The following NAV1 variants were observed in gnomAD, a reference collection of about 807,000 sequenced individuals.
NAV1 encodes neuron navigator 1, also known as pore membrane and/or filament interacting like protein 3.
Under a neutral mutation model 175.2 loss-of-function variants are expected in NAV1, and 18 were observed. The ratio of observed to expected loss-of-function variants is 0.10; its 90% CI spans 0.07 to 0.15. The LOEUF (loss-of-function observed/expected upper bound fraction) is 0.15, where lower values mean the gene tolerates loss of function less well. NAV1 is among the 10% of genes least tolerant of loss of function. NAV1 has a pLI of 1.00. For synonymous variants in NAV1, 897 were observed against 978.7 expected (o/e 0.92, Z 1.56); for missense variants, 1,731 against 2,436.6 (o/e 0.71, Z 6.10).
chr1:201,627,671 C>G (rs1668373663), intron 1 of NAV1, among the ~76,000 whole-genome samples: 1 of 152,140 alleles, frequency 6.6e-6, no homozygotes, highest in Admixed American at 6.5e-5. Flanking sequence ...ATCAATGAAA[C>G]AGTTGACACA....
intron 3 of NAV1, among the ~76,000 whole-genome samples, chr1:201,762,017 G>C (rs566290019): frequency 3.3e-5 from 5 of 152,204 alleles, no homozygotes; most frequent in Non-Finnish European, 7.4e-5. Context: ...AAAATTATCT[G>C]GGCATGGTGG....
At chr1:201,604,680 G>GAAA (rs747665244) in intron 2 of NAV1, among the ~76,000 whole-genome samples, 2 of 52,590 alleles carry the variant, frequency 3.8e-5, no homozygotes, top group African/African-American at 1.2e-4. Context: ...GACTCTGTCA[G>GAAA]AAAAAAAAAA....
At chr1:201,602,667 G>GTTTTTTT (rs374267102) in intron 2 of NAV1, among the ~76,000 whole-genome samples, 1 of 120,680 alleles carries the variant, frequency 8.3e-6, no homozygotes, top group African/African-American at 2.9e-5. Flanking sequence ...TTTTTTTTTG[G>GTTTTTTT]TTTTTTTTTT....
At chr1:201,804,761 A>G (rs1036838479) in intron 17 of NAV1, among the ~76,000 whole-genome samples, 9 of 152,064 alleles carry the variant, frequency 5.9e-5, no homozygotes, top group African/African-American at 2.2e-4. Context: ...ATTCCCTACT[A>G]TCTTCCCCTG....
chr1:201,669,202 G>T (rs1051792261), intron 1 of NAV1, among the ~76,000 whole-genome samples: 9 of 152,060 alleles, frequency 5.9e-5, no homozygotes, highest in African/African-American at 2.2e-4. Flanking sequence ...ACAACTTTGT[G>T]GGGCAGATGG....
At chr1:201,743,518 C>G (rs1320498176) in intron 3 of NAV1, among the ~76,000 whole-genome samples, 1 of 152,206 alleles carries the variant, frequency 6.6e-6, no homozygotes, top group Non-Finnish European at 1.5e-5. Flanking sequence ...ACTGATCTAC[C>G]TTACTGGGAT....
At chr1:201,632,882 T>C (rs541873030) in intron 2 of NAV1, among the ~76,000 whole-genome samples, 1 of 152,358 alleles carries the variant, frequency 6.6e-6, no homozygotes, top group Admixed American at 6.5e-5. Context: ...TTTTCATGCC[T>C]TATGGATTTG....
intron 2 of NAV1, among the ~76,000 whole-genome samples, chr1:201,596,105 G>C (rs2102222521): frequency 6.6e-6 from 1 of 152,336 alleles, no homozygotes; most frequent in Non-Finnish European, 1.5e-5. Flanking sequence ...ACCATAAAAT[G>C]ATAACAACAA....
chr1:201,549,498 C>T lies in NAV1; in HGVS notation c.-144+10156C>T, dbSNP rs374670364. 6.6e-5 allele frequency among the ~76,000 whole-genome samples: 10 copies of T among 152,338 alleles called. No individual in the cohort carries two copies. The East Asian group carries it at 7.7e-4, about 12-fold the overall frequency. ...TTCTGGGATTACAGGCATGCGCCAA[C>T]GCGCCTGGCCTTCTGGCTTCTAAAT... On this transcript the variant is annotated intron_variant, in intron 1 of 33. Coordinates refer to the NAV1 transcript ENST00000685211.
rs1228804033 is a variant in NAV1, at chr1:201,807,645, C to A, written c.3649-308C>A. Among the ~76,000 whole-genome samples the A allele has an allele frequency of 6.6e-6, 1 of 152,166 alleles. No homozygotes were observed. Among genetic ancestry groups the A allele is most frequent in the African/African-American group, 2.4e-5 (1 of 41,450 alleles). On this transcript the variant is annotated intron_variant, in intron 17 of 29. Transcript: ENST00000367296. This position sits in a 1 kb window ranked among gnomAD's most constrained non-coding sequence, Gnocchi z 5.4. ...TACAACATCAGCAAGCTAGAAGATT[C>A]TGTTCTTTCTCTTGGTCCTAATTTC...
At chr1:201,605,521 C>T (rs185099184) in intron 2 of NAV1, among the ~76,000 whole-genome samples, 4 of 152,232 alleles carry the variant, frequency 2.6e-5, no homozygotes, top group African/African-American at 9.6e-5. Context: ...GACTGACAGT[C>T]TGTCTGTGTG....
At chr1:201,613,773 A>T (rs1667919902) in intron 2 of NAV1, among the ~76,000 whole-genome samples, 1 of 151,902 alleles carries the variant, frequency 6.6e-6, no homozygotes, top group Admixed American at 6.6e-5. Flanking sequence ...GAGGCAAGAG[A>T]CTCGCTTGAA....
intron 1 of NAV1, among the ~76,000 whole-genome samples, chr1:201,685,773 A>G (rs913206067): frequency 6.6e-6 from 1 of 152,202 alleles, no homozygotes; most frequent in African/African-American, 2.4e-5. Context: ...TCCAGGAAAC[A>G]TAGCCAGCTA....
upstream of NAV1, among the ~76,000 whole-genome samples, chr1:201,644,131 C>T (rs1668897939): frequency 6.6e-6 from 1 of 152,148 alleles, no homozygotes; most frequent in South Asian, 2.1e-4. Context: ...CTGACTTCAC[C>T]AGCACCCACT....
At chr1:201,820,095 A>G in exon 30 of NAV1, 1 of 645,332 alleles carries the variant, frequency 1.5e-6, no homozygotes, top group Non-Finnish European at 2.6e-6. Context: ...TTGGTGCTGT[A>G]CCTTTGAGAA....
intron 3 of NAV1, among the ~76,000 whole-genome samples, chr1:201,722,606 G>T (rs1009559521): frequency 2.6e-5 from 4 of 151,942 alleles, no homozygotes; most frequent in African/African-American, 9.7e-5. Flanking sequence ...GTTCTTTTTG[G>T]GTATATACCT....
At position 201,813,101 on chromosome 1, in the gene NAV1, G is replaced by T. The variant is rs200837987; in HGVS notation, c.5222-39G>T. 3 of 1,457,174 alleles carry T rather than the reference G, an allele frequency of 2.1e-6. No homozygotes were observed. The highest frequency in any genetic ancestry group is 3.4e-5 in the Admixed American group (2 of 59,032). The allele number at this position is 1,457,174 out of a possible 1,614,324, so 90.3% of individuals were successfully genotyped here. A position where few individuals can be genotyped will look rare whatever the true frequency, so the allele number is the denominator to read the frequency against. ...AGAGGCACACAACCGGGAAGATCTAGGTTCCCAGCCATCTTCATGGCCCCA... is the reference window on the plus strand; with the variant it reads ...AGAGGCACACAACCGGGAAGATCTATGTTCCCAGCCATCTTCATGGCCCCA... On this transcript the variant is annotated intron_variant, in intron 27 of 29. Coordinates refer to ENST00000367296, the Ensembl canonical transcript of NAV1. This position sits in a 1 kb window ranked among gnomAD's most constrained non-coding sequence, Gnocchi z 4.2.
chr1:201,739,769 C>T, intron 3 of NAV1: 1 of 1,211,040 alleles, frequency 8.3e-7, no homozygotes, highest in Non-Finnish European at 1.0e-6. Context: ...CCGCTCGCAG[C>T]CTGCATCGCC....
chr1:201,747,059 A>C (rs1300146361), intron 3 of NAV1, among the ~76,000 whole-genome samples: 1 of 152,136 alleles, frequency 6.6e-6, no homozygotes, highest in Non-Finnish European at 1.5e-5. Context: ...TTCAGGTATG[A>C]AGGAGGAAGG....
Sources: gnomAD v4.1 joint callset for allele counts (sites outside exome capture counted in the v4.1 genomes callset) on GRCh38, gnomAD v4.1.1 for gene constraint, Gnocchi (gnomAD v3.1) non-coding constraint, MANE v1.5 for transcripts, NCBI Gene and HGNC (gene_info 2026-07-23, HGNC 2026-07-21) for gene names.